Variants in CFAP47 observed in about 807,000 individuals in gnomAD.
CFAP47 encodes the protein cilia and flagella associated protein 47, also known as cilia- and flagella-associated protein 47.
In CFAP47, 29 loss-of-function variants were observed where a neutral mutation model predicts 148.1. The ratio of observed to expected loss-of-function variants is 0.20; its 90% CI spans 0.15 to 0.27. The LOEUF (loss-of-function observed/expected upper bound fraction) is 0.27. CFAP47 is among the 10% of genes least tolerant of loss of function. The pLI is 1.00. For synonymous variants in CFAP47, 664 were observed against 577.3 expected (o/e 1.15, Z -2.15); for missense variants, 1,872 against 1,697.5 (o/e 1.10, Z -1.81).
At chrX:35,996,762 CTT>C (rs1416052105) in intron 18 of CFAP47, among the ~76,000 whole-genome samples, 1 of 111,748 alleles carries the variant, frequency 8.9e-6, no homozygotes, top group Non-Finnish European at 1.9e-5. Flanking sequence ...AGACAAAATA[CTT>C]GGCCTCTGCA....
chrX:36,375,118 G>A (rs998027727), intron 62 of CFAP47: 18 of 355,777 alleles, frequency 5.1e-5, no homozygotes, highest in Non-Finnish European at 6.7e-5. Context: ...AGAACCTGGC[G>A]TTTGCCTCTC....
intron 33 of CFAP47, among the ~76,000 whole-genome samples, chrX:36,108,289 A>G (rs138267142): frequency 0.016 from 1,813 of 110,075 alleles, 48 homozygotes; most frequent in African/African-American, 0.057. Context: ...GTTTTAAGTT[A>G]CTCTTCCAAT....
intron 29 of CFAP47, among the ~76,000 whole-genome samples, chrX:36,074,812 G>T (rs967705075): frequency 2.2e-4 from 24 of 109,394 alleles, no homozygotes; most frequent in Admixed American, 3.9e-4. Context: ...AGCCTCTGAT[G>T]ACCACCATTT....
chrX:36,316,765 C>A (rs1556011052), intron 56 of CFAP47, among the ~76,000 whole-genome samples: 3 of 111,880 alleles, frequency 2.7e-5, no homozygotes. Context: ...CGCAAGGAGA[C>A]ATTCAACCTG....
chrX:36,299,264 A>G, intron 52 of CFAP47, 112 bp downstream of exon 52: 1 of 457,203 alleles, frequency 2.2e-6, no homozygotes, highest in African/African-American at 2.5e-5. Context: ...CATAGTTTTA[A>G]CTTTGTTTAA....
At chrX:36,252,954 C>A (rs782084182) in intron 49 of CFAP47, among the ~76,000 whole-genome samples, 2 of 111,949 alleles carry the variant, frequency 1.8e-5, no homozygotes, top group Non-Finnish European at 3.8e-5. Context: ...CCACAAAGCC[C>A]CTGGTCTGTG....
intron 29 of CFAP47, among the ~76,000 whole-genome samples, chrX:36,075,943 A>G (rs757227447): frequency 7.1e-4 from 79 of 111,829 alleles, no homozygotes; most frequent in African/African-American, 2.5e-3. Flanking sequence ...TTGATGGGGA[A>G]CTAGGTTGAT....
At chrX:36,204,359 C>T (rs1215256586) in intron 44 of CFAP47, among the ~76,000 whole-genome samples, 1 of 109,794 alleles carries the variant, frequency 9.1e-6, no homozygotes, top group African/African-American at 3.3e-5. Flanking sequence ...TGTTCTCACT[C>T]ATAGGTGGGA....
chrX:36,006,694 G>A (rs893027886), intron 21 of CFAP47, among the ~76,000 whole-genome samples: 1 of 111,929 alleles, frequency 8.9e-6, no homozygotes, highest in African/African-American at 3.2e-5. Flanking sequence ...TGAAGTGCTA[G>A]TAGTCAAATG....
intron 61 of CFAP47, among the ~76,000 whole-genome samples, chrX:36,364,643 G>T (rs781957694): frequency 9.2e-6 from 1 of 108,499 alleles, no homozygotes; most frequent in South Asian, 3.8e-4. Context: ...GAAGTGTTTA[G>T]CACAAACAAT....
chrX:36,054,326 A>G lies in CFAP47; in HGVS notation c.4217+7263A>G, dbSNP rs747959785. Among the ~76,000 whole-genome samples the G allele has an allele frequency of 5.3e-5, 6 of 112,504 alleles. No individual in the cohort carries two copies. The East Asian group carries it at 1.1e-3, about 21-fold the overall frequency. ...TTGCTGTCTATAATTTGGGCATTTC[A>G]TATTAGATAGGTGATATTTAAATGT... On this transcript the variant is annotated intron_variant, in intron 26 of 63. Coordinates refer to ENST00000378653, the MANE Select transcript of CFAP47 (RefSeq NM_001304548.2).
chrX:35,976,707 A>ATT (rs199966181), intron 15 of CFAP47, among the ~76,000 whole-genome samples: 1 of 111,676 alleles, frequency 9.0e-6, no homozygotes, highest in African/African-American at 3.3e-5. Context: ...AGAATGACAT[A>ATT]TTTTTCTAGT....
At chrX:36,361,723 C>A (rs1556019294) in intron 61 of CFAP47, among the ~76,000 whole-genome samples, 1 of 111,576 alleles carries the variant, frequency 9.0e-6, no homozygotes, top group East Asian at 2.8e-4. Context: ...AGAATTATGA[C>A]TTCCCTAAGG....
At chrX:36,193,450 G>A (rs1043744393) in intron 42 of CFAP47, among the ~76,000 whole-genome samples, 3 of 111,292 alleles carry the variant, frequency 2.7e-5, no homozygotes. Context: ...ATAATGGCAA[G>A]CCCTATTTCA....
At chrX:35,920,948 G>C (rs984529152) in intron 1 of CFAP47, among the ~76,000 whole-genome samples, 2 of 111,542 alleles carry the variant, frequency 1.8e-5, no homozygotes, top group African/African-American at 6.5e-5. Flanking sequence ...GATTAGAAGA[G>C]CAATGAGAAA....
chrX:35,943,885 G>A (rs1215584792), intron 3 of CFAP47, among the ~76,000 whole-genome samples: 1 of 110,690 alleles, frequency 9.0e-6, no homozygotes, highest in Non-Finnish European at 1.9e-5. Flanking sequence ...TTTGATACGG[G>A]CATCCAATGT....
At chrX:36,028,704 G>C (rs1937248883) in intron 22 of CFAP47, among the ~76,000 whole-genome samples, 1 of 111,456 alleles carries the variant, frequency 9.0e-6, no homozygotes. Context: ...TATTAATTTT[G>C]TATGCTGAAT....
At chrX:36,192,007 A>G (rs1421562196) in intron 42 of CFAP47, among the ~76,000 whole-genome samples, 1 of 110,285 alleles carries the variant, frequency 9.1e-6, no homozygotes, top group Admixed American at 9.8e-5. Context: ...AACAACAAAA[A>G]CCACCTATCG....
intron 58 of CFAP47, among the ~76,000 whole-genome samples, 195 bp downstream of exon 58, chrX:36,348,483 A>G (rs1602120138): frequency 9.0e-6 from 1 of 110,561 alleles, no homozygotes; most frequent in East Asian, 2.8e-4. Flanking sequence ...AGAAAATAAT[A>G]TATACATATA....
Sources: gnomAD v4.1 joint callset for allele counts (sites outside exome capture counted in the v4.1 genomes callset) on GRCh38, gnomAD v4.1.1 for gene constraint, MANE v1.5 for transcripts, NCBI Gene and HGNC (gene_info 2026-07-23, HGNC 2026-07-21) for gene names.